Variants in GPHN observed in about 807,000 individuals in gnomAD.
The protein encoded by GPHN is gephyrin.
A neutral mutation model predicts 95.5 loss-of-function variants in GPHN; 17 were observed. That is an observed-to-expected ratio of 0.18 (90% CI 0.12 to 0.27). GPHN has a LOEUF of 0.27. Ranked by LOEUF, GPHN falls within the 10% of genes least tolerant of loss-of-function variation. GPHN has a pLI of 1.00. For synonymous variants in GPHN, 320 were observed against 322.5 expected, an observed-to-expected ratio of 0.99 and a Z score of 0.08; for missense variants, 660 against 978.1, an observed-to-expected ratio of 0.67 and a Z score of 4.34.
the GPHN span, among the ~76,000 whole-genome samples, chr14:67,249,177 G>A: frequency 6.6e-6 from 1 of 151,986 alleles, no homozygotes; most frequent in African/African-American, 2.4e-5. Flanking sequence ...GGCCAGGCTG[G>A]TCTTGAACTC....
rs150487486 is a variant in GPHN, at chr14:66,974,787, A to C, written c.963+9462A>C. 3.4e-4 allele frequency among the ~76,000 whole-genome samples: 52 copies of C among 152,298 alleles called. No homozygotes were observed. The East Asian group carries it at 5.2e-3, about 15-fold the overall frequency. The stretch of plus-strand genomic sequence containing the variant: ...TTTTCTATGCATTTAAATTCTTATC[A>C]TACCAAGAAGGCAGTGATTAAGAGC... On this transcript the variant is annotated intron_variant, in intron 9 of 22. Coordinates refer to ENST00000478722, the MANE Select transcript of GPHN (RefSeq NM_020806.5).
chr14:66,655,141 T>C (rs2065239784), intron 1 of GPHN, among the ~76,000 whole-genome samples: 1 of 152,196 alleles, frequency 6.6e-6, no homozygotes, highest in African/African-American at 2.4e-5. Flanking sequence ...ATATTGTCTA[T>C]GTATACTAAA....
chr14:67,255,939 G>A, the GPHN span, among the ~76,000 whole-genome samples: 23,536 of 152,182 alleles, frequency 0.15, 3,439 homozygotes, highest in East Asian at 0.42. Flanking sequence ...CACATGCTTT[G>A]GCCTCCCAAA....
intron 10 of GPHN, among the ~76,000 whole-genome samples, chr14:67,051,254 A>G (rs2153643311): frequency 6.6e-6 from 1 of 152,346 alleles, no homozygotes. Flanking sequence ...GCCAGTTTAG[A>G]GAGGAAAATA....
chr14:67,323,436 G>A, the GPHN span, among the ~76,000 whole-genome samples: 1 of 151,508 alleles, frequency 6.6e-6, no homozygotes, highest in Admixed American at 6.6e-5. Context: ...ACAACAAAGC[G>A]AGATCCTGTC....
intron 2 of GPHN, among the ~76,000 whole-genome samples, chr14:66,711,587 C>CT (rs57175111): frequency 0.19 from 24,402 of 130,878 alleles, 2,391 homozygotes; most frequent in Non-Finnish European, 0.25. Context: ...AATGGTAGTT[C>CT]TTTTTTTTTT....
intron 11 of GPHN, among the ~76,000 whole-genome samples, chr14:67,070,415 C>T (rs949619792): frequency 1.3e-4 from 20 of 148,576 alleles, no homozygotes; most frequent in African/African-American, 4.4e-4. Context: ...ATTATATTAC[C>T]GGCCGGGCGC....
In GPHN at chr14:67,150,313, C is replaced by T. The variant is rs928130786; in HGVS notation, c.1836+6864C>T. Among the ~76,000 whole-genome samples the T allele has an allele frequency of 2.0e-5, 3 of 149,628 alleles. No homozygotes were observed. In the South Asian group the frequency reaches 6.3e-4, roughly 32 times the overall value. On this transcript the variant is annotated intron_variant, in intron 18 of 22. Transcript: ENST00000478722. ...AAAAATAGCCGGGCGTAGTGGCGGG[C>T]GCCTGTAGTCCTAGCTACTTGGGAG...
At chr14:67,095,340 A>T (rs999919949) in intron 12 of GPHN, among the ~76,000 whole-genome samples, 4 of 152,168 alleles carry the variant, frequency 2.6e-5, no homozygotes, top group Non-Finnish European at 4.4e-5. Flanking sequence ...GGGACTGTAA[A>T]CTAGTTCAAC....
the GPHN span, among the ~76,000 whole-genome samples, chr14:67,638,093 GCTGAC>G: frequency 6.6e-6 from 1 of 152,192 alleles, no homozygotes. Context: ...AAAGCCTCCT[GCTGAC>G]CTGGAATATC....
intron 4 of GPHN, among the ~76,000 whole-genome samples, chr14:66,872,442 CT>C (rs2063478275): frequency 6.6e-6 from 1 of 152,090 alleles, no homozygotes; most frequent in African/African-American, 2.4e-5. Context: ...AAGTTTTAGC[CT>C]AAAATGTATC....
At chr14:67,460,825 T>C in the GPHN span, among the ~76,000 whole-genome samples, 3 of 152,236 alleles carry the variant, frequency 2.0e-5, no homozygotes, top group Non-Finnish European at 4.4e-5. Flanking sequence ...TTATACAGCA[T>C]ATAAATGTTT....
the GPHN span, among the ~76,000 whole-genome samples, chr14:67,645,478 T>C: frequency 6.6e-6 from 1 of 152,196 alleles, no homozygotes; most frequent in Non-Finnish European, 1.5e-5. Context: ...TCAAGATTAA[T>C]TTTTGAGAAC....
intron 1 of GPHN, among the ~76,000 whole-genome samples, chr14:66,606,449 G>T (rs2062540114): frequency 6.6e-6 from 1 of 152,012 alleles, no homozygotes; most frequent in African/African-American, 2.4e-5. Context: ...TATTGCCTTG[G>T]CGATTTGGGA....
At chr14:66,744,820 C>T (rs1389381737) in intron 2 of GPHN, among the ~76,000 whole-genome samples, 1 of 152,048 alleles carries the variant, frequency 6.6e-6, no homozygotes. Flanking sequence ...ATATTTTAGT[C>T]ACTGTTACTT....
the GPHN span, chr14:67,714,527 T>C: frequency 1.3e-5 from 2 of 156,440 alleles, no homozygotes; most frequent in South Asian, 3.6e-4. Context: ...AACTGCCGTC[T>C]TCCAGTTATT....
At chr14:66,756,183 A>T (rs920348383) in intron 2 of GPHN, among the ~76,000 whole-genome samples, 1 of 152,326 alleles carries the variant, frequency 6.6e-6, no homozygotes. Context: ...GTACTTATGG[A>T]GTACATGCCG....
the GPHN span, among the ~76,000 whole-genome samples, chr14:67,671,697 T>C: frequency 3.3e-5 from 5 of 152,276 alleles, no homozygotes; most frequent in East Asian, 5.8e-4. Flanking sequence ...AGAAAATAAA[T>C]GTATTTCTCA....
chr14:67,290,631 C>G, the GPHN span, among the ~76,000 whole-genome samples: 3 of 152,188 alleles, frequency 2.0e-5, no homozygotes, highest in Admixed American at 6.5e-5. Flanking sequence ...CTGCTGAGCT[C>G]AAGCAATCTG....
Sources: allele counts gnomAD v4.1 joint callset (sites outside exome capture counted in the v4.1 genomes callset), GRCh38; gene constraint gnomAD v4.1.1; transcripts MANE v1.5; gene names NCBI Gene and HGNC (gene_info 2026-07-23, HGNC 2026-07-21).